Variants in SLC30A9 observed in about 807,000 individuals in gnomAD.
SLC30A9 encodes the protein proton-coupled zinc antiporter SLC30A9, mitochondrial.
In SLC30A9, 58 loss-of-function variants were observed where a neutral mutation model predicts 87.5. The observed-to-expected ratio is 0.66, with a 90% CI of 0.54 to 0.82. The LOEUF (loss-of-function observed/expected upper bound fraction) is 0.82. SLC30A9 is among the 40% of genes least tolerant of loss of function. SLC30A9 has a pLI of 0.00. For missense variants in SLC30A9, 557 were observed against 679.1 expected (o/e 0.82, Z 2.00); for synonymous variants, 234 against 233.0 (o/e 1.00, Z -0.04).
chr4:42,030,780 T>A (rs1560544204), intron 6 of SLC30A9, among the ~76,000 whole-genome samples: 1 of 152,192 alleles, frequency 6.6e-6, no homozygotes, highest in Non-Finnish European at 1.5e-5. Context: ...AAAAAGGTGA[T>A]GGGTTGTGTT....
chr4:42,025,530 T>A (rs1486789175), intron 6 of SLC30A9, among the ~76,000 whole-genome samples: 1 of 152,190 alleles, frequency 6.6e-6, no homozygotes, highest in African/African-American at 2.4e-5. Flanking sequence ...ATCATCTAGT[T>A]GTTGAATAAG....
At position 42,001,731 on chromosome 4, in the gene SLC30A9, A is replaced by G; in HGVS notation, c.225A>G (p.Gly75=). ...KLYSTNVQKE[G]QGSQTLRVEK... ...ACTCCACAAATGTTCAGAAAGAAGG[A>G]CAGGGATCACAAACACTCAGAGTGG... Residue 75 remains glycine (G), a synonymous_variant, in exon 2 of 18, where the codon GGA becomes GGG. Transcript: ENST00000264451. The G allele has an allele frequency of 6.2e-7, 1 of 1,611,834 alleles. No homozygotes were observed. The highest frequency in any genetic ancestry group is 8.5e-7 in the Non-Finnish European group (1 of 1,178,602).
chr4:42,030,022 C>G, intron 6 of SLC30A9: 2 of 882,918 alleles, frequency 2.3e-6, no homozygotes, highest in Non-Finnish European at 3.6e-6. Flanking sequence ...ACCATGGACA[C>G]TGAAATTCGC....
chr4:42,013,812 A>G (rs1227271873), intron 2 of SLC30A9, among the ~76,000 whole-genome samples: 2 of 152,176 alleles, frequency 1.3e-5, no homozygotes, highest in African/African-American at 2.4e-5. Flanking sequence ...CATTGGGGAA[A>G]CTCTCCAGGA....
intron 2 of SLC30A9, among the ~76,000 whole-genome samples, chr4:42,012,198 A>G (rs2153134252): frequency 6.6e-6 from 1 of 152,306 alleles, no homozygotes; most frequent in South Asian, 2.1e-4. Context: ...AAAACACGAA[A>G]CAACCCAACT....
At chr4:42,043,233 C>T (rs1451468326) in intron 8 of SLC30A9, among the ~76,000 whole-genome samples, 1 of 151,686 alleles carries the variant, frequency 6.6e-6, no homozygotes, top group African/African-American at 2.4e-5. Flanking sequence ...ATGAGTTTGA[C>T]GAAGTAGGCT....
chr4:42,004,751 C>CG (rs537797029), intron 2 of SLC30A9, among the ~76,000 whole-genome samples: 27 of 150,732 alleles, frequency 1.8e-4, no homozygotes, highest in Non-Finnish European at 3.5e-4. Context: ...CCTTGACCTC[C>CG]GGGGCTCGAC....
chr4:42,075,811 C>T (rs1217139831), intron 16 of SLC30A9, 25 bp downstream of exon 16: 1 of 1,602,958 alleles, frequency 6.2e-7, no homozygotes, highest in South Asian at 1.1e-5. Flanking sequence ...TGTTTTCTTA[C>T]ATAACTGAGG....
chr4:42,033,810 T>A (rs966806163), intron 6 of SLC30A9, among the ~76,000 whole-genome samples: 2 of 152,156 alleles, frequency 1.3e-5, no homozygotes, highest in Non-Finnish European at 2.9e-5. Context: ...GATCTGACCT[T>A]GTGATCCACC....
At chr4:42,074,882 T>C (rs1718457283) in intron 15 of SLC30A9, among the ~76,000 whole-genome samples, 1 of 151,376 alleles carries the variant, frequency 6.6e-6, no homozygotes, top group African/African-American at 2.4e-5. Flanking sequence ...GAACATACAA[T>C]TGGTTAATAT....
intron 2 of SLC30A9, among the ~76,000 whole-genome samples, chr4:42,002,026 T>G (rs1214378139): frequency 6.6e-6 from 1 of 152,062 alleles, no homozygotes; most frequent in African/African-American, 2.4e-5. Context: ...GTATAAAGTG[T>G]ATAATAATGT....
At chr4:42,063,235 G>A in intron 11 of SLC30A9, 114 bp downstream of exon 11, 5 of 876,092 alleles carry the variant, frequency 5.7e-6, no homozygotes, top group Admixed American at 2.6e-5. Context: ...CTTCTTGACT[G>A]TGTATTGTAG....
At chr4:41,998,053 G>A (rs1196551470) in intron 1 of SLC30A9, among the ~76,000 whole-genome samples, 8 of 152,364 alleles carry the variant, frequency 5.3e-5, no homozygotes, top group South Asian at 2.1e-4. Flanking sequence ...GAAAAAGAGT[G>A]TCTTTTTGTT....
intron 11 of SLC30A9, 57 bp from the exon 12 acceptor site, chr4:42,065,253 G>A: frequency 1.1e-6 from 1 of 896,548 alleles, no homozygotes. Flanking sequence ...CTTTATATAT[G>A]AACAATTGTG....
In SLC30A9 at chr4:42,089,910, A is replaced by G. The variant is rs915453254; in HGVS notation, c.*3784A>G. ...AGTGCAAAGTGAATAACAAAATGTCATAAGGCTTGAGTTTTTGGTATATGG... is the reference window on the plus strand; with the variant it reads ...AGTGCAAAGTGAATAACAAAATGTCGTAAGGCTTGAGTTTTTGGTATATGG... On this transcript the variant is annotated 3_prime_UTR_variant, in exon 18 of 18. Transcript: ENST00000264451. 5 of 152,368 alleles carry G rather than the reference A, an allele frequency of 3.3e-5. No homozygotes were observed. Among genetic ancestry groups the G allele is most frequent in the African/African-American group, 2.4e-5 (1 of 41,588 alleles). The allele number at this position is 152,368 out of a possible 1,614,324, so 9.4% of individuals were successfully genotyped here.
intron 14 of SLC30A9, among the ~76,000 whole-genome samples, chr4:42,067,456 T>G (rs780678949): frequency 2.0e-5 from 3 of 152,168 alleles, no homozygotes; most frequent in Non-Finnish European, 2.9e-5. Flanking sequence ...AGCTGTGACT[T>G]AAAAAATTGT....
intron 17 of SLC30A9, among the ~76,000 whole-genome samples, chr4:42,084,506 T>C (rs1718850357): frequency 1.3e-5 from 2 of 152,176 alleles, no homozygotes; most frequent in African/African-American, 4.8e-5. Flanking sequence ...GGAGTCCCGC[T>C]CTGTCGCCAG....
intron 6 of SLC30A9, among the ~76,000 whole-genome samples, chr4:42,034,712 G>T (rs931634724): frequency 4.6e-5 from 7 of 152,170 alleles, no homozygotes; most frequent in Non-Finnish European, 2.9e-5. Context: ...CCTCTTGACT[G>T]TTGTGAGTAC....
chr4:42,060,074 A>G, intron 9 of SLC30A9, 117 bp from the exon 10 acceptor site: 2 of 697,932 alleles, frequency 2.9e-6, no homozygotes, highest in South Asian at 3.9e-5. Flanking sequence ...GTCATTGGAC[A>G]TGCATATGTT....
Sources: gnomAD v4.1 joint callset for allele counts (sites outside exome capture counted in the v4.1 genomes callset) on GRCh38, gnomAD v4.1.1 for gene constraint, MANE v1.5 for transcripts, NCBI Gene and HGNC (gene_info 2026-07-23, HGNC 2026-07-21) for gene names.